SLC24A3: variants seen among roughly 807,000 people sequenced by gnomAD.
SLC24A3 encodes sodium/potassium/calcium exchanger 3.
In SLC24A3, 28 loss-of-function variants were observed where a neutral mutation model predicts 75.8. That is an observed-to-expected ratio of 0.37 (90% CI 0.27 to 0.51). The LOEUF is 0.51. Among genes scored for constraint, SLC24A3 ranks in the 20% least tolerant of loss-of-function variants. The pLI is 0.94. For synonymous variants in SLC24A3, 372 were observed against 334.1 expected, an observed-to-expected ratio of 1.11 and a Z score of -1.24; for missense variants, 663 against 847.8, an observed-to-expected ratio of 0.78 and a Z score of 2.71.
chr20:19,656,311 C>T (rs1197976538), intron 7 of SLC24A3, among the ~76,000 whole-genome samples: 1 of 152,132 alleles, frequency 6.6e-6, no homozygotes, highest in Non-Finnish European at 1.5e-5. Context: ...GGGAACTGGA[C>T]CTACCATGCT....
At chr20:19,422,534 T>C (rs948780220) in intron 2 of SLC24A3, among the ~76,000 whole-genome samples, 1 of 152,162 alleles carries the variant, frequency 6.6e-6, no homozygotes, top group Non-Finnish European at 1.5e-5. Context: ...ACATCTTCTG[T>C]AGTTTTGTTG....
Position 19,585,560 on chromosome 20 carries a change from T to G in SLC24A3, c.612+16T>G, listed in dbSNP as rs767821927. ...TGCTGGGCAGGTAAGACTGGCGGCT[T>G]CTTTGTGATGGCAAAATGTGACATT... On this transcript the variant is annotated intron_variant, in intron 6 of 16. Coordinates refer to ENST00000328041, the MANE Select transcript of SLC24A3 (RefSeq NM_020689.4). 1 of 1,611,000 alleles carries G rather than the reference T, an allele frequency of 6.2e-7. No homozygotes were observed. Among genetic ancestry groups the G allele is most frequent in the South Asian group, 1.1e-5 (1 of 90,720 alleles).
At chr20:19,672,447 G>A (rs1255391956) in intron 8 of SLC24A3, among the ~76,000 whole-genome samples, 5 of 152,052 alleles carry the variant, frequency 3.3e-5, no homozygotes, top group African/African-American at 7.2e-5. Flanking sequence ...CAATCCTCCC[G>A]CCTCAGCCTC....
chr20:19,647,597 G>A (rs2032154366), intron 6 of SLC24A3, among the ~76,000 whole-genome samples: 1 of 152,184 alleles, frequency 6.6e-6, no homozygotes, highest in Admixed American at 6.5e-5. Flanking sequence ...GACTCCCTGT[G>A]AATTCTGATG....
At chr20:19,349,727 C>T (rs779765580) in intron 2 of SLC24A3, among the ~76,000 whole-genome samples, 22 of 152,270 alleles carry the variant, frequency 1.4e-4, no homozygotes, top group Non-Finnish European at 2.4e-4. Context: ...CCTTTGTTGG[C>T]TCCTTTATTC....
chr20:19,322,141 TTGTCTA>T (rs1338033898), intron 2 of SLC24A3, among the ~76,000 whole-genome samples: 12 of 152,168 alleles, frequency 7.9e-5, no homozygotes, highest in Admixed American at 6.5e-5. Context: ...GGTTGATGCT[TTGTCTA>T]TGTAAGGTGC....
chr20:19,720,295 C>T (rs1350817067), intron 16 of SLC24A3, among the ~76,000 whole-genome samples: 2 of 152,140 alleles, frequency 1.3e-5, no homozygotes, highest in African/African-American at 4.8e-5. Context: ...CTTGATGGGG[C>T]AGGGTGTTGG....
intron 1 of SLC24A3, among the ~76,000 whole-genome samples, chr20:19,256,348 G>A (rs1363525561): frequency 2.0e-5 from 3 of 152,122 alleles, no homozygotes; most frequent in African/African-American, 7.2e-5. Flanking sequence ...ACAGGGAGTG[G>A]CTGCTAATGG....
At chr20:19,276,151 C>A (rs1384608158) in intron 1 of SLC24A3, among the ~76,000 whole-genome samples, 6 of 152,136 alleles carry the variant, frequency 3.9e-5, no homozygotes, top group Non-Finnish European at 8.8e-5. Flanking sequence ...ACCTTCCCAC[C>A]CTCCAAGCCT....
chr20:19,338,353 C>T (rs557597682), intron 2 of SLC24A3, among the ~76,000 whole-genome samples: 3 of 152,226 alleles, frequency 2.0e-5, no homozygotes, highest in South Asian at 2.1e-4. Flanking sequence ...GGTTGCATAT[C>T]GGATTTCTTC....
chr20:19,280,649 T>C (rs1172222462), intron 1 of SLC24A3, among the ~76,000 whole-genome samples: 1 of 152,240 alleles, frequency 6.6e-6, no homozygotes, highest in African/African-American at 2.4e-5. Context: ...TCTCAGCATG[T>C]CACTGGGAGC....
At chr20:19,598,671 C>T (rs2031482118) in intron 6 of SLC24A3, among the ~76,000 whole-genome samples, 1 of 152,006 alleles carries the variant, frequency 6.6e-6, no homozygotes, top group Admixed American at 6.6e-5. Flanking sequence ...GGTGAGGTAC[C>T]AGCAGCTGGG....
chr20:19,521,803 A>C (rs2030104044), intron 3 of SLC24A3, among the ~76,000 whole-genome samples: 1 of 152,162 alleles, frequency 6.6e-6, no homozygotes, highest in African/African-American at 2.4e-5. Flanking sequence ...TGCAGTAGCC[A>C]GTTCTTAGGG....
rs545187853 is a variant in SLC24A3, at chr20:19,532,725, G to A, written c.348+17161G>A. 1.1e-4 allele frequency among the ~76,000 whole-genome samples: 17 copies of A among 152,328 alleles called. No individual in the cohort carries two copies. The East Asian group carries it at 2.3e-3, about 21-fold the overall frequency. On this transcript the variant is annotated intron_variant, in intron 3 of 16. Transcript: ENST00000328041. ...CACTGTGCTCGGTGTTCCACACACC[G>A]TCTTATTCCACCCTGGCAACCCTCA...
At chr20:19,236,395 G>T (rs1354531920) in intron 1 of SLC24A3, among the ~76,000 whole-genome samples, 2 of 152,174 alleles carry the variant, frequency 1.3e-5, no homozygotes, top group Admixed American at 1.3e-4. Flanking sequence ...CTCCCAGGGG[G>T]TTGATAGACC....
At chr20:19,461,597 A>G (rs561940385) in intron 2 of SLC24A3, among the ~76,000 whole-genome samples, 8 of 141,426 alleles carry the variant, frequency 5.7e-5, no homozygotes, top group East Asian at 2.1e-4. Context: ...CAGTGGCACA[A>G]TCTTGGCTCA....
intron 2 of SLC24A3, among the ~76,000 whole-genome samples, chr20:19,310,991 C>A (rs1028303943): frequency 6.6e-6 from 1 of 152,024 alleles, no homozygotes; most frequent in African/African-American, 2.4e-5. Context: ...AATCTTCCTT[C>A]GTTCCTTTCT....
In SLC24A3 at chr20:19,345,400, A is replaced by G. The variant is rs80213744; in HGVS notation, c.271+64313A>G. 2.6e-3 allele frequency among the ~76,000 whole-genome samples: 397 copies of G among 152,334 alleles called. 3 individuals carry two copies. Among genetic ancestry groups the G allele is most frequent in the African/African-American group, 9.3e-3 (388 of 41,580 alleles). On this transcript the variant is annotated intron_variant, in intron 2 of 16. Transcript: ENST00000328041. The stretch of plus-strand genomic sequence containing the variant: ...TTATTTTGTGGATATCCACAAAGTG[A>G]TTTCTAAAGTTTATATTGAAAGGCA...
At chr20:19,639,779 G>A (rs1459019038) in intron 6 of SLC24A3, among the ~76,000 whole-genome samples, 5 of 152,376 alleles carry the variant, frequency 3.3e-5, no homozygotes, top group South Asian at 2.1e-4. Flanking sequence ...CTGCCCCGCG[G>A]GAAGGCAGCT....
Sources: gnomAD v4.1 joint callset for allele counts (sites outside exome capture counted in the v4.1 genomes callset) on GRCh38, gnomAD v4.1.1 for gene constraint, MANE v1.5 for transcripts, NCBI Gene and HGNC (gene_info 2026-07-23, HGNC 2026-07-21) for gene names.